AGBL1: variants seen among roughly 807,000 people sequenced by gnomAD.
AGBL1 encodes AGBL carboxypeptidase 1.
A neutral mutation model predicts 118.9 loss-of-function variants in AGBL1; 130 were observed. The ratio of observed to expected loss-of-function variants is 1.09; its 90% CI spans 0.95 to 1.26. The LOEUF (loss-of-function observed/expected upper bound fraction) is 1.26, where lower values mean the gene tolerates loss of function less well. Among genes scored for constraint, AGBL1 ranks in the 50% most tolerant of loss-of-function variants. The pLI is 0.00. For synonymous variants in AGBL1, 555 were observed against 478.9 expected, an observed-to-expected ratio of 1.16 and a Z score of -2.08; for missense variants, 1,584 against 1,298.1, an observed-to-expected ratio of 1.22 and a Z score of -3.38.
intron 22 of AGBL1, among the ~76,000 whole-genome samples, chr15:86,755,102 A>G (rs980961334): frequency 6.6e-6 from 1 of 152,116 alleles, no homozygotes; most frequent in African/African-American, 2.4e-5. Context: ...AAATATTTCC[A>G]CAATGTGACG....
intron 17 of AGBL1, among the ~76,000 whole-genome samples, chr15:86,326,518 T>G (rs892346922): frequency 3.3e-5 from 5 of 152,238 alleles, no homozygotes; most frequent in Non-Finnish European, 7.3e-5. Context: ...AAGTGATTCA[T>G]TCCTTTGGCT....
chr15:86,486,925 C>T (rs905936318), intron 18 of AGBL1, among the ~76,000 whole-genome samples: 2 of 152,016 alleles, frequency 1.3e-5, no homozygotes, highest in South Asian at 4.1e-4. Context: ...TGGATGCCAA[C>T]CCTGCATGTG....
At chr15:86,403,913 G>A (rs1356469302) in intron 18 of AGBL1, among the ~76,000 whole-genome samples, 2 of 152,172 alleles carry the variant, frequency 1.3e-5, no homozygotes, top group Non-Finnish European at 2.9e-5. Context: ...AAAGAGGTAA[G>A]TGAGTTATCC....
intron 23 of AGBL1, among the ~76,000 whole-genome samples, chr15:86,947,718 A>G (rs1443930372): frequency 1.3e-5 from 2 of 152,220 alleles, no homozygotes; most frequent in East Asian, 3.9e-4. Flanking sequence ...ACCGTGTAGC[A>G]GCTGAATGAC....
At chr15:86,518,463 T>C (rs932552336) in intron 18 of AGBL1, among the ~76,000 whole-genome samples, 1 of 152,116 alleles carries the variant, frequency 6.6e-6, no homozygotes, top group African/African-American at 2.4e-5. Context: ...TTAGGACTAG[T>C]GCTGCTGATT....
chr15:86,376,534 A>C (rs2081042924), intron 17 of AGBL1, among the ~76,000 whole-genome samples: 1 of 152,218 alleles, frequency 6.6e-6, no homozygotes, highest in Non-Finnish European at 1.5e-5. Context: ...TTACTTCCTC[A>C]CTGCCATGAT....
At chr15:86,508,912 AT>A (rs770691055) in intron 18 of AGBL1, among the ~76,000 whole-genome samples, 2 of 152,202 alleles carry the variant, frequency 1.3e-5, no homozygotes, top group African/African-American at 2.4e-5. Flanking sequence ...CATACGAAGC[AT>A]TTTGCTAAGT....
intron 22 of AGBL1, among the ~76,000 whole-genome samples, chr15:86,807,466 C>T (rs924165705): frequency 3.3e-5 from 5 of 151,770 alleles, no homozygotes; most frequent in Non-Finnish European, 4.4e-5. Flanking sequence ...GCAAGGAAGA[C>T]GAGACAGAAA....
intron 22 of AGBL1, among the ~76,000 whole-genome samples, chr15:86,888,130 A>C (rs2079997164): frequency 6.6e-6 from 1 of 152,034 alleles, no homozygotes; most frequent in Non-Finnish European, 1.5e-5. Context: ...AGAGATCAAA[A>C]ACTTCAGTCC....
chr15:86,545,854 G>T, intron 19 of AGBL1, 148 bp from the exon 20 acceptor site: 3 of 896,166 alleles, frequency 3.3e-6, no homozygotes, highest in South Asian at 1.7e-5. Flanking sequence ...ATCCGCACAT[G>T]GCTGGTCTGC....
chr15:86,948,812 G>A (rs912761391), intron 23 of AGBL1, among the ~76,000 whole-genome samples: 2 of 152,232 alleles, frequency 1.3e-5, no homozygotes, highest in Non-Finnish European at 2.9e-5. Flanking sequence ...TATCTTGGAC[G>A]AGTGAGATGT....
chr15:86,888,187 T>C (rs74686008), intron 22 of AGBL1, among the ~76,000 whole-genome samples: 7 of 152,168 alleles, frequency 4.6e-5, no homozygotes, highest in African/African-American at 1.7e-4. Context: ...AGACCAGTCC[T>C]GTTGCCTTAG....
intron 24 of AGBL1, among the ~76,000 whole-genome samples, chr15:86,999,821 G>A (rs1311069182): frequency 7.4e-6 from 1 of 134,744 alleles, no homozygotes; most frequent in Non-Finnish European, 1.6e-5. Context: ...CACAATGGTT[G>A]AACTAGTTTA....
chr15:86,653,952 CAGATT>C (rs1383777048), intron 21 of AGBL1, among the ~76,000 whole-genome samples: 1 of 152,072 alleles, frequency 6.6e-6, no homozygotes, highest in Non-Finnish European at 1.5e-5. Flanking sequence ...TAAATGAAAG[CAGATT>C]AGAGCAGAAG....
At chr15:86,128,775 A>G (rs370819392) in intron 1 of AGBL1, among the ~76,000 whole-genome samples, 1 of 152,194 alleles carries the variant, frequency 6.6e-6, no homozygotes, top group Admixed American at 6.5e-5. Context: ...ATGTAGCAGA[A>G]TGAAGGGAAC....
intron 22 of AGBL1, among the ~76,000 whole-genome samples, chr15:86,890,015 A>G (rs988740789): frequency 3.3e-5 from 5 of 152,194 alleles, no homozygotes; most frequent in Admixed American, 3.3e-4. Context: ...TCCCACCAAC[A>G]GTGTAAAAGT....
chr15:86,139,565 C>T (rs2076934083), intron 1 of AGBL1, among the ~76,000 whole-genome samples: 1 of 151,674 alleles, frequency 6.6e-6, no homozygotes, highest in South Asian at 2.1e-4. Flanking sequence ...TCGAGATCAT[C>T]CTGGTTAACA....
chr15:86,975,724 TC>T (rs138431201), intron 23 of AGBL1, among the ~76,000 whole-genome samples: 14,936 of 152,150 alleles, frequency 0.098, 848 homozygotes, highest in South Asian at 0.23. Flanking sequence ...TGCTTAACCA[TC>T]CCACACTCAA....
chr15:86,134,260 G>C (rs1450620057), intron 1 of AGBL1, among the ~76,000 whole-genome samples: 1 of 152,206 alleles, frequency 6.6e-6, no homozygotes, highest in Non-Finnish European at 1.5e-5. Flanking sequence ...ACCATCTCTA[G>C]TGAGTGTTCA....
Sources: gnomAD v4.1 joint callset for allele counts (sites outside exome capture counted in the v4.1 genomes callset) on GRCh38, gnomAD v4.1.1 for gene constraint, MANE v1.5 for transcripts, NCBI Gene and HGNC (gene_info 2026-07-23, HGNC 2026-07-21) for gene names.